Variants in SPPL2A observed in about 807,000 individuals in gnomAD.
The protein encoded by SPPL2A is signal peptide peptidase-like 2A.
In SPPL2A, 51 loss-of-function variants were observed where a neutral mutation model predicts 63.8. That is an observed-to-expected ratio of 0.80 (90% CI 0.64 to 1.01). The LOEUF (loss-of-function observed/expected upper bound fraction) is 1.01. SPPL2A is among the 50% of genes least tolerant of loss of function. The probability of loss-of-function intolerance (pLI) is 0.00; values close to 1 mark genes in which losing one functional copy is unlikely to be tolerated. For synonymous variants in SPPL2A, 188 were observed against 205.8 expected (o/e 0.91, Z 0.74); for missense variants, 553 against 622.7 (o/e 0.89, Z 1.19).
At chr15:50,727,820 AAAAC>A (rs912490559) in intron 10 of SPPL2A, among the ~76,000 whole-genome samples, 2 of 152,340 alleles carry the variant, frequency 1.3e-5, no homozygotes, top group East Asian at 3.9e-4. Context: ...TGCCTTAATA[AAAAC>A]AAACAAATCA....
In SPPL2A at chr15:50,736,960, G is replaced by C. The variant is rs373136347; in HGVS notation, c.734-220C>G. Reference sequence around the variant, plus strand: ...ACTCTGTCGCCCAGTCGCCCAGGCTGGAATGCAGTGGTGTAATCTCGGCTC... The same window carrying C: ...ACTCTGTCGCCCAGTCGCCCAGGCTCGAATGCAGTGGTGTAATCTCGGCTC... On this transcript the variant is annotated intron_variant, in intron 6 of 14. Transcript: ENST00000261854. Among the ~76,000 whole-genome samples the C allele has an allele frequency of 5.7e-4, 86 of 151,136 alleles. 1 individual carries two copies. In the South Asian group the frequency reaches 9.4e-3, roughly 17 times the overall value.
At chr15:50,750,116 C>G (rs1290004906) in intron 1 of SPPL2A, among the ~76,000 whole-genome samples, 1 of 152,072 alleles carries the variant, frequency 6.6e-6, no homozygotes, top group Admixed American at 6.6e-5. Context: ...ATATTATTTT[C>G]TTTTTGACAC....
intron 1 of SPPL2A, among the ~76,000 whole-genome samples, chr15:50,752,068 T>A (rs2062912039): frequency 6.6e-6 from 1 of 152,014 alleles, no homozygotes; most frequent in African/African-American, 2.4e-5. Context: ...TGACCTCAGG[T>A]GATCCACCCA....
chr15:50,716,528 A>C (rs2062600538), intron 14 of SPPL2A, among the ~76,000 whole-genome samples: 1 of 152,198 alleles, frequency 6.6e-6, no homozygotes. Flanking sequence ...AAAATACTTT[A>C]AAAGCTGTAT....
intron 14 of SPPL2A, among the ~76,000 whole-genome samples, chr15:50,712,748 C>T (rs752335535): frequency 7.2e-6 from 1 of 138,740 alleles, no homozygotes; most frequent in Non-Finnish European, 1.5e-5. Context: ...GATGCGATCT[C>T]GATCTCGGCT....
chr15:50,739,996 T>A (rs900276837), intron 5 of SPPL2A, among the ~76,000 whole-genome samples, 168 bp from the exon 6 acceptor site: 15 of 152,198 alleles, frequency 9.9e-5, no homozygotes, highest in African/African-American at 3.4e-4. Flanking sequence ...TAGCAAGTAA[T>A]GTACTTTTTA....
chr15:50,755,631 A>C (rs1192453995), intron 1 of SPPL2A, among the ~76,000 whole-genome samples: 1 of 83,046 alleles, frequency 1.2e-5, no homozygotes, highest in Non-Finnish European at 3.1e-5. Context: ...CTGTCTCAAA[A>C]AAAAAAAAAA....
rs1174929222 is a variant in SPPL2A, at chr15:50,754,341, TA to T, written c.67-4596del. 7.2e-5 allele frequency among the ~76,000 whole-genome samples: 11 copies of T among 152,240 alleles called. No individual in the cohort carries two copies. The East Asian group carries it at 2.1e-3, about 29-fold the overall frequency. On this transcript the variant is annotated intron_variant, in intron 1 of 14. Coordinates refer to ENST00000261854, the MANE Select transcript of SPPL2A (RefSeq NM_032802.4). ...TTGGTGTACATCCTATGGGTTTTGA[TA>T]AGTGTACAATGACACATATCCATCA...
chr15:50,765,648 G>C lies in SPPL2A; in HGVS notation c.-115C>G. 1 of 644,266 alleles carries C rather than the reference G, an allele frequency of 1.6e-6. No individual in the cohort carries two copies. Among genetic ancestry groups the C allele is most frequent in the Non-Finnish European group, 2.3e-6 (1 of 437,788 alleles). 39.9% of individuals were successfully genotyped at this position (644,266 alleles called of 1,614,324 possible). A position where few individuals can be genotyped will look rare whatever the true frequency, so the allele number is the denominator to read the frequency against. On this transcript the variant is annotated 5_prime_UTR_variant, in exon 1 of 15. Transcript: ENST00000261854. ...TGGCCGGACCGGACCGGACAGGCGC[G>C]GGCGGCCGGGCTACGACTGGACCGC...
In SPPL2A at chr15:50,703,619, C is replaced by T. The variant is rs902113505; in HGVS notation, c.*4181G>A. The T allele has an allele frequency of 6.6e-6, 1 of 151,484 alleles. No individual in the cohort carries two copies. Among genetic ancestry groups the T allele is most frequent in the Admixed American group, 6.6e-5 (1 of 15,154 alleles). 9.4% of individuals were successfully genotyped at this position (151,484 alleles called of 1,614,324 possible). ...CTCATGATCCACCCGCCTTGGCCTC[C>T]CAAAGTGCTGGGATTACAGGTGTGA... On this transcript the variant is annotated 3_prime_UTR_variant, in exon 15 of 15. Transcript: ENST00000261854.
At chr15:50,742,290 T>C (rs2062827599) in intron 5 of SPPL2A, among the ~76,000 whole-genome samples, 1 of 151,886 alleles carries the variant, frequency 6.6e-6, no homozygotes, top group Non-Finnish European at 1.5e-5. Flanking sequence ...CATGGGAGGC[T>C]GAGGCAGGAG....
At chr15:50,726,983 A>G (rs535413848) in intron 10 of SPPL2A, among the ~76,000 whole-genome samples, 5 of 152,266 alleles carry the variant, frequency 3.3e-5, no homozygotes, top group African/African-American at 1.2e-4. Context: ...CTATGATCCA[A>G]TCAAAACATT....
Position 50,706,573 on chromosome 15 carries a change from A to G in SPPL2A, c.*1227T>C, listed in dbSNP as rs904899079. The G allele has an allele frequency of 1.3e-5, 2 of 151,860 alleles. No individual in the cohort carries two copies. Among genetic ancestry groups the G allele is most frequent in the African/African-American group, 4.8e-5 (2 of 41,344 alleles). The allele number at this position is 151,860 out of a possible 1,614,324, so 9.4% of individuals were successfully genotyped here. ...CCACCAAGATTAAGAATCATTACCTATGGGAAAAGGGGTGGGCATCAGGAA... is the reference window on the plus strand; with the variant it reads ...CCACCAAGATTAAGAATCATTACCTGTGGGAAAAGGGGTGGGCATCAGGAA... On this transcript the variant is annotated 3_prime_UTR_variant, in exon 15 of 15. Coordinates refer to ENST00000261854, the MANE Select transcript of SPPL2A (RefSeq NM_032802.4).
At chr15:50,735,581 TAG>T (rs2062764488) in intron 8 of SPPL2A, among the ~76,000 whole-genome samples, 1 of 151,880 alleles carries the variant, frequency 6.6e-6, no homozygotes, top group Non-Finnish European at 1.5e-5. Context: ...TTTTTTGAGA[TAG>T]AGTTTCACTC....
At chr15:50,762,177 G>A (rs890336752) in intron 1 of SPPL2A, among the ~76,000 whole-genome samples, 2 of 151,976 alleles carry the variant, frequency 1.3e-5, no homozygotes, top group Non-Finnish European at 2.9e-5. Context: ...AGACCAGCCT[G>A]GGCAACATGG....
At chr15:50,727,472 C>G (rs1415690042) in intron 10 of SPPL2A, among the ~76,000 whole-genome samples, 1 of 152,152 alleles carries the variant, frequency 6.6e-6, no homozygotes, top group East Asian at 1.9e-4. Flanking sequence ...GATAACATTT[C>G]CAGATAAAGA....
intron 1 of SPPL2A, among the ~76,000 whole-genome samples, chr15:50,754,541 T>C (rs559525891): frequency 7.9e-5 from 12 of 152,324 alleles, no homozygotes; most frequent in Non-Finnish European, 1.5e-4. Flanking sequence ...TTGTTTGGTA[T>C]GCAAATTATA....
Position 50,722,215 on chromosome 15 carries a change from C to G in SPPL2A, c.1250-14G>C. The G allele has an allele frequency of 6.7e-7, 1 of 1,494,182 alleles. No homozygotes were observed. The highest frequency in any genetic ancestry group is 1.1e-5 in the South Asian group (1 of 88,558). 92.6% of individuals were successfully genotyped at this position (1,494,182 alleles called of 1,614,324 possible). A position where few individuals can be genotyped will look rare whatever the true frequency, so the allele number is the denominator to read the frequency against. ...CAATCAACAGGCCTTAAAAACAAAA[C>G]AAAACATTATTTTCTTAAAACAATA... On this transcript the variant is annotated splice_polypyrimidine_tract_variant and intron_variant, in intron 12 of 14. Transcript: ENST00000261854.
At position 50,703,963 on chromosome 15, in the gene SPPL2A, T is replaced by A. The variant is rs948372981; in HGVS notation, c.*3837A>T. On this transcript the variant is annotated 3_prime_UTR_variant, in exon 15 of 15. Transcript: ENST00000261854. ...AAAATCTCTATGGACAAGTAAAATA[T>A]AAGAATGCCAATAGCAGATGGGTTA... 6.6e-6 allele frequency: 1 copy of A among 152,068 alleles called. No individual in the cohort carries two copies. The highest frequency in any genetic ancestry group is 2.4e-5 in the African/African-American group (1 of 41,414). 9.4% of individuals were successfully genotyped at this position (152,068 alleles called of 1,614,324 possible). A position where few individuals can be genotyped will look rare whatever the true frequency, so the allele number is the denominator to read the frequency against.
Sources: gnomAD v4.1 joint callset for allele counts (sites outside exome capture counted in the v4.1 genomes callset) on GRCh38, gnomAD v4.1.1 for gene constraint, MANE v1.5 for transcripts, NCBI Gene and HGNC (gene_info 2026-07-23, HGNC 2026-07-21) for gene names.